Variants in AP1S3 observed in about 807,000 individuals in gnomAD.
The protein encoded by AP1S3 is AP-1 complex subunit sigma-3.
AP1S3 carries 10 observed loss-of-function variants against 20.9 expected under a neutral mutation model. That is an observed-to-expected ratio of 0.48 (90% CI 0.29 to 0.81). The LOEUF (loss-of-function observed/expected upper bound fraction) is 0.81, where lower values mean the gene tolerates loss of function less well. Ranked by LOEUF, AP1S3 falls within the 30% of genes least tolerant of loss-of-function variation. The pLI is 0.08. For synonymous variants in AP1S3, 41 were observed against 61.5 expected, an observed-to-expected ratio of 0.67 and a Z score of 1.56; for missense variants, 154 against 183.8, an observed-to-expected ratio of 0.84 and a Z score of 0.94.
At chr2:223,824,234 C>T (rs888297587) in intron 1 of AP1S3, among the ~76,000 whole-genome samples, 8 of 152,014 alleles carry the variant, frequency 5.3e-5, no homozygotes, top group Admixed American at 2.0e-4. Flanking sequence ...AACTTTTGGG[C>T]TCATGCAATC....
intron 1 of AP1S3, among the ~76,000 whole-genome samples, chr2:223,794,528 C>T (rs1691290609): frequency 6.6e-6 from 1 of 152,176 alleles, no homozygotes; most frequent in Non-Finnish European, 1.5e-5. Context: ...GTATTTGCCA[C>T]ATCTTCTGGC....
At chr2:223,828,399 C>T (rs932342853) in intron 1 of AP1S3, among the ~76,000 whole-genome samples, 16 of 150,798 alleles carry the variant, frequency 1.1e-4, no homozygotes, top group African/African-American at 3.4e-4. Context: ...CAGGCTCAAG[C>T]GATTCTCTTG....
intron 1 of AP1S3, among the ~76,000 whole-genome samples, chr2:223,812,075 A>G (rs1691744122): frequency 6.6e-6 from 1 of 152,248 alleles, no homozygotes; most frequent in Non-Finnish European, 1.5e-5. Context: ...CCAGAGAGGG[A>G]TTCTCAGGTC....
Position 223,777,784 on chromosome 2 carries a change from T to A in AP1S3, c.89A>T (p.Lys30Met), listed in dbSNP as rs759714167. Residue 30 changes from lysine (K) to methionine (M), a missense_variant, in exon 2 of 5, where the codon AAG becomes ATG. Lys to Met is a moderately conservative substitution (Grantham distance 95). Transcript: ENST00000396654. ...AATCTGAACAATTTCCCGGGTGATC[T>A]TCTTCCTCTCTTTATCAGGGAGAGT... ...YITLPDKERK[K>M]ITREIVQIIL... is the part of the protein sequence containing the mutation. 6.2e-7 allele frequency: 1 copy of A among 1,614,170 alleles called. No homozygotes were observed. The highest frequency in any genetic ancestry group is 8.5e-7 in the Non-Finnish European group (1 of 1,180,012).
At chr2:223,785,547 G>GA (rs1243735917) in intron 1 of AP1S3, among the ~76,000 whole-genome samples, 1 of 151,930 alleles carries the variant, frequency 6.6e-6, no homozygotes, top group Non-Finnish European at 1.5e-5. Context: ...TCTATAATTA[G>GA]AAAAAAATGC....
chr2:223,769,934 C>G (rs1690573071), intron 3 of AP1S3, among the ~76,000 whole-genome samples: 2 of 151,648 alleles, frequency 1.3e-5, no homozygotes, highest in African/African-American at 4.8e-5. Flanking sequence ...TTAGTAGAGA[C>G]GGGGTTTCAC....
intron 3 of AP1S3, among the ~76,000 whole-genome samples, chr2:223,768,064 C>T (rs905647466): frequency 6.6e-6 from 1 of 152,160 alleles, no homozygotes; most frequent in Non-Finnish European, 1.5e-5. Context: ...AGCTAAAATG[C>T]TGATCTTGTG....
At chr2:223,789,324 C>G (rs1317234785) in intron 1 of AP1S3, among the ~76,000 whole-genome samples, 2 of 151,938 alleles carry the variant, frequency 1.3e-5, no homozygotes, top group Non-Finnish European at 1.5e-5. Context: ...AAGTTAAAAA[C>G]TATGATAACC....
At chr2:223,770,242 A>G in intron 3 of AP1S3, 1 of 1,550,828 alleles carries the variant, frequency 6.4e-7, no homozygotes, top group Non-Finnish European at 8.7e-7. Context: ...TAGCAAGCTG[A>G]GGAACCTCGG....
intron 4 of AP1S3, among the ~76,000 whole-genome samples, chr2:223,762,634 A>G (rs938407969): frequency 6.6e-6 from 1 of 152,144 alleles, no homozygotes; most frequent in Non-Finnish European, 1.5e-5. Flanking sequence ...TTACCCCCAA[A>G]TAAGTATTCC....
At chr2:223,833,458 G>A (rs761729831) in intron 1 of AP1S3, among the ~76,000 whole-genome samples, 9 of 152,136 alleles carry the variant, frequency 5.9e-5, no homozygotes, top group Non-Finnish European at 1.0e-4. Context: ...GCTTCAAACA[G>A]TGTGATCCAG....
At chr2:223,812,767 C>T (rs938140573) in intron 1 of AP1S3, among the ~76,000 whole-genome samples, 5 of 151,944 alleles carry the variant, frequency 3.3e-5, no homozygotes, top group African/African-American at 1.2e-4. Flanking sequence ...CCTTTGAGTG[C>T]CACATCTTCC....
intron 1 of AP1S3, among the ~76,000 whole-genome samples, chr2:223,803,385 T>C (rs1336773174): frequency 6.6e-6 from 1 of 152,240 alleles, no homozygotes; most frequent in Non-Finnish European, 1.5e-5. Context: ...TGTTACTAAA[T>C]GTTACTGCTC....
intron 3 of AP1S3, among the ~76,000 whole-genome samples, chr2:223,772,979 A>G (rs1690669405): frequency 1.3e-5 from 2 of 152,344 alleles, no homozygotes; most frequent in East Asian, 1.9e-4. Flanking sequence ...TGAAAGATTC[A>G]TTGAATTTTT....
chr2:223,788,384 G>A (rs868548467), intron 1 of AP1S3, among the ~76,000 whole-genome samples: 4 of 151,590 alleles, frequency 2.6e-5, no homozygotes, highest in Non-Finnish European at 4.4e-5. Context: ...AGACCGAGGC[G>A]GGCACATCAC....
At chr2:223,831,994 G>A (rs540556937) in intron 1 of AP1S3, among the ~76,000 whole-genome samples, 2 of 151,852 alleles carry the variant, frequency 1.3e-5, no homozygotes, top group East Asian at 1.9e-4. Flanking sequence ...GGAGAATGGC[G>A]TGAACCCGGG....
rs1690592633 is a variant in AP1S3 at position 223,770,463 on chromosome 2, T to C, written c.292-5113A>G. 3 of 1,319,652 alleles carry C rather than the reference T, an allele frequency of 2.3e-6. No individual in the cohort carries two copies. In the South Asian group the frequency reaches 4.5e-5, roughly 20 times the overall value. 81.7% of individuals were successfully genotyped at this position (1,319,652 alleles called of 1,614,324 possible). ...CTGTACTAGTTTCAAGGGATAAGGG[T>C]AAGGTAAGGTGGTATTCAGAGTTAG... On this transcript the variant is annotated intron_variant, in intron 3 of 4. Coordinates refer to ENST00000396654, the MANE Select transcript of AP1S3 (RefSeq NM_001039569.2).
chr2:223,798,428 G>A lies in AP1S3; in HGVS notation c.4-20559C>T, dbSNP rs190194053. Among the ~76,000 whole-genome samples the A allele has an allele frequency of 3.9e-3, 595 of 152,110 alleles. 4 individuals carry two copies. The highest frequency in any genetic ancestry group is 0.013 in the African/African-American group (543 of 41,502). On this transcript the variant is annotated intron_variant, in intron 1 of 4. Transcript: ENST00000396654. ...AGGATAAGAGGAACAACAATAAGGG[G>A]AAAAAAATGGAATAACACAGAAACA...
In AP1S3 at chr2:223,757,502, G is replaced by T. The variant is rs183935082; in HGVS notation, c.*1213C>A. 2.1e-5 allele frequency: 15 copies of T among 699,802 alleles called. No homozygotes were observed. The highest frequency in any genetic ancestry group is 2.6e-5 in the Non-Finnish European group (15 of 569,816). 43.3% of individuals were successfully genotyped at this position (699,802 alleles called of 1,614,324 possible). ...GGGGTTTCATCATATTGGCCAGGCT[G>T]CTCTCGAACTCCTGACCTCAAGTGA... is the stretch of plus-strand genomic sequence containing the variant. On this transcript the variant is annotated 3_prime_UTR_variant, in exon 5 of 5. Coordinates refer to ENST00000396654, the MANE Select transcript of AP1S3 (RefSeq NM_001039569.2).
Sources: gnomAD v4.1 joint callset for allele counts (sites outside exome capture counted in the v4.1 genomes callset) on GRCh38, gnomAD v4.1.1 for gene constraint, MANE v1.5 for transcripts, NCBI Gene and HGNC (gene_info 2026-07-23, HGNC 2026-07-21) for gene names.